The following TNFSF11 variants were observed in gnomAD, a reference collection of about 807,000 sequenced individuals.
TNFSF11 encodes TNF superfamily member 11.
In TNFSF11, 12 loss-of-function variants were observed where a neutral mutation model predicts 32.2. The observed-to-expected ratio is 0.37, with a 90% CI of 0.24 to 0.60. The LOEUF (loss-of-function observed/expected upper bound fraction) is 0.60. Among genes scored for constraint, TNFSF11 ranks in the 20% least tolerant of loss-of-function variants. TNFSF11 has a pLI of 0.66. For missense variants in TNFSF11, 345 were observed against 398.0 expected, an observed-to-expected ratio of 0.87 and a Z score of 1.13; for synonymous variants, 172 against 152.1, an observed-to-expected ratio of 1.13 and a Z score of -0.96.
chr13:42,583,007 A>G (rs899592371), intron 2 of TNFSF11, among the ~76,000 whole-genome samples: 1 of 152,194 alleles, frequency 6.6e-6, no homozygotes, highest in African/African-American at 2.4e-5. Context: ...CAAAATGATG[A>G]GATAAACTTT....
At chr13:42,575,748 A>G (rs992241980) in intron 1 of TNFSF11, among the ~76,000 whole-genome samples, 1 of 152,236 alleles carries the variant, frequency 6.6e-6, no homozygotes, top group Admixed American at 6.5e-5. Context: ...ATCTGCATTA[A>G]ATATAATCTA....
chr13:42,563,973 C>T (rs144852081), intron 1 of TNFSF11, among the ~76,000 whole-genome samples: 2 of 152,028 alleles, frequency 1.3e-5, no homozygotes, highest in Non-Finnish European at 2.9e-5. Context: ...TATATTAGAC[C>T]TTTTGATAAT....
chr13:42,576,861 A>G (rs1278003495), intron 1 of TNFSF11, among the ~76,000 whole-genome samples: 1 of 152,244 alleles, frequency 6.6e-6, no homozygotes, highest in Non-Finnish European at 1.5e-5. Flanking sequence ...TTTGCCATAC[A>G]TTGGTAATAG....
At chr13:42,600,693 T>C in intron 2 of TNFSF11, 59 bp from the exon 3 acceptor site, 1 of 1,528,564 alleles carries the variant, frequency 6.5e-7, no homozygotes, top group Non-Finnish European at 8.8e-7. Flanking sequence ...CCCTGAATTC[T>C]TATTGCTTTA....
At chr13:42,596,493 C>T (rs908808652) in intron 2 of TNFSF11, among the ~76,000 whole-genome samples, 3 of 152,046 alleles carry the variant, frequency 2.0e-5, no homozygotes, top group African/African-American at 4.8e-5. Flanking sequence ...TATTTTATGA[C>T]GATGGCTTGT....
At chr13:42,589,848 G>A (rs1874081712) in intron 2 of TNFSF11, among the ~76,000 whole-genome samples, 1 of 152,094 alleles carries the variant, frequency 6.6e-6, no homozygotes, top group South Asian at 2.1e-4. Context: ...TGGATGAATG[G>A]ATGAATGAAT....
At position 42,574,488 on chromosome 13, in the gene TNFSF11, G is replaced by T; in HGVS notation, c.185G>T (p.Cys62Phe). 4 of 1,609,250 alleles carry T rather than the reference G, an allele frequency of 2.5e-6. No individual in the cohort carries two copies. The highest frequency in any genetic ancestry group is 3.4e-6 in the Non-Finnish European group (4 of 1,179,854). ...LLGLGLGQVV[C>F]SVALFFYFRA... ...GGGCTGGGGCTGGGCCAGGTTGTCT[G>T]CAGCGTCGCCCTGTTCTTCTATTTC... is the stretch of plus-strand genomic sequence containing the variant. Residue 62 changes from cysteine (C) to phenylalanine (F), a missense_variant, in exon 1 of 5, where the codon TGC (cysteine) becomes TTC (phenylalanine). Coordinates refer to ENST00000398795, the MANE Select transcript of TNFSF11 (RefSeq NM_003701.4).
chr13:42,578,310 G>A (rs180672328), intron 1 of TNFSF11, among the ~76,000 whole-genome samples: 104 of 152,332 alleles, frequency 6.8e-4, no homozygotes, highest in African/African-American at 2.4e-3. Context: ...TGAGGGTCCA[G>A]CATCAGTCTG....
chr13:42,600,867 T>G lies in TNFSF11; in HGVS notation c.434-16T>G. 1 of 1,614,104 alleles carries G rather than the reference T, an allele frequency of 6.2e-7. No individual in the cohort carries two copies. Among genetic ancestry groups the G allele is most frequent in the Non-Finnish European group, 8.5e-7 (1 of 1,180,010 alleles). ...TACTATTTTGGCTATAATAATATGG[T>G]TTCTCTCATCTCCAGCGATGGTGGA... On this transcript the variant is annotated splice_polypyrimidine_tract_variant and intron_variant, in intron 3 of 4. Transcript: ENST00000398795.
chr13:42,599,063 G>C (rs1021604897), intron 2 of TNFSF11, among the ~76,000 whole-genome samples: 1 of 152,130 alleles, frequency 6.6e-6, no homozygotes, highest in African/African-American at 2.4e-5. Context: ...GTAGTGCCCT[G>C]GGTCTAGGCA....
At chr13:42,591,739 A>T (rs533339092) in intron 2 of TNFSF11, among the ~76,000 whole-genome samples, 1 of 152,274 alleles carries the variant, frequency 6.6e-6, no homozygotes, top group East Asian at 1.9e-4. Flanking sequence ...AGCGATACTA[A>T]AGCCTATCTC....
At chr13:42,573,557 G>C (rs969346715), upstream of TNFSF11, among the ~76,000 whole-genome samples, 13 of 152,294 alleles carry the variant, frequency 8.5e-5, no homozygotes, top group Admixed American at 2.6e-4. Context: ...TATAAAGTCA[G>C]AGTTGGTGTC....
intron 2 of TNFSF11, among the ~76,000 whole-genome samples, chr13:42,582,610 T>G (rs1159720513): frequency 6.6e-6 from 1 of 152,234 alleles, no homozygotes; most frequent in Admixed American, 6.5e-5. Context: ...TAGTTTAATG[T>G]GTCTATAAGA....
intron 2 of TNFSF11, among the ~76,000 whole-genome samples, chr13:42,568,681 C>A (rs1446163133): frequency 2.0e-5 from 3 of 152,054 alleles, no homozygotes. Context: ...GACGCGGGAA[C>A]AGACAGAAAA....
intron 4 of TNFSF11, among the ~76,000 whole-genome samples, chr13:42,602,579 A>G (rs9562414): frequency 0.063 from 9,552 of 152,284 alleles, 335 homozygotes; most frequent in South Asian, 0.099. Context: ...CACTTGCTTC[A>G]TAAATAATTT....
upstream of TNFSF11, among the ~76,000 whole-genome samples, chr13:42,573,881 C>G (rs1283405872): frequency 1.3e-5 from 2 of 152,160 alleles, no homozygotes; most frequent in Admixed American, 1.3e-4. Flanking sequence ...GTGTCCTCTG[C>G]GTCTTCTTTA....
At chr13:42,585,496 A>G (rs927529296) in intron 2 of TNFSF11, among the ~76,000 whole-genome samples, 9 of 152,308 alleles carry the variant, frequency 5.9e-5, no homozygotes, top group African/African-American at 1.9e-4. Context: ...CCTTTAGCAC[A>G]GAACTCTGAA....
chr13:42,588,762 G>A (rs929720411), intron 2 of TNFSF11, among the ~76,000 whole-genome samples: 1 of 152,182 alleles, frequency 6.6e-6, no homozygotes, highest in Non-Finnish European at 1.5e-5. Context: ...TTTCTTCAAA[G>A]CATCCTAGGA....
In TNFSF11 at chr13:42,600,917, G is replaced by A. The variant is rs1360861197; in HGVS notation, c.468G>A (p.Lys156=). ...ATGGCTCATGGTTAGATCTGGCCAA[G>A]AGGAGCAAGCTTGAAGCTCAGCCTT... ...MVDGSWLDLA[K]RSKLEAQPFA... Residue 156 remains lysine (K), a synonymous_variant, in exon 4 of 5, where the codon AAG becomes AAA. Transcript: ENST00000398795. 6.2e-7 allele frequency: 1 copy of A among 1,614,094 alleles called. No homozygotes were observed. The highest frequency in any genetic ancestry group is 1.7e-5 in the Admixed American group (1 of 60,020).
Sources: allele counts gnomAD v4.1 joint callset (sites outside exome capture counted in the v4.1 genomes callset), GRCh38; gene constraint gnomAD v4.1.1; transcripts MANE v1.5; gene names NCBI Gene and HGNC (gene_info 2026-07-23, HGNC 2026-07-21).